AKAP13: variants seen among roughly 807,000 people sequenced by gnomAD.
AKAP13 encodes the protein A-kinase anchor protein 13.
Under a neutral mutation model 264.5 loss-of-function variants are expected in AKAP13, and 80 were observed. That is an observed-to-expected ratio of 0.30 (90% CI 0.25 to 0.36). The LOEUF (loss-of-function observed/expected upper bound fraction) is 0.36, where lower values mean the gene tolerates loss of function less well. AKAP13 is among the 10% of genes least tolerant of loss of function. The probability of loss-of-function intolerance (pLI) is 1.00; values close to 1 mark genes in which losing one functional copy is unlikely to be tolerated. For missense variants in AKAP13, 3,712 were observed against 3,435.2 expected, an observed-to-expected ratio of 1.08 and a Z score of -2.01; for synonymous variants, 1,380 against 1,250.2, an observed-to-expected ratio of 1.10 and a Z score of -2.19.
At chr15:85,693,499 A>G in intron 17 of AKAP13, 48 bp downstream of exon 17, 1 of 1,590,152 alleles carries the variant, frequency 6.3e-7, no homozygotes, top group Admixed American at 1.9e-5. Context: ...CTCTTGGCTC[A>G]AGAAAGCTCA....
intron 1 of AKAP13, among the ~76,000 whole-genome samples, chr15:85,401,484 A>G (rs2071418658): frequency 6.6e-6 from 1 of 152,216 alleles, no homozygotes; most frequent in East Asian, 1.9e-4. Context: ...TTTCTCTGTT[A>G]CAACAGCATT....
At chr15:85,610,682 A>G (rs765135894) in intron 8 of AKAP13, among the ~76,000 whole-genome samples, 2 of 152,260 alleles carry the variant, frequency 1.3e-5, no homozygotes, top group Non-Finnish European at 2.9e-5. Context: ...TAGTATACAG[A>G]TAGAGCTTAA....
chr15:85,562,891 T>C (rs1212401462), intron 5 of AKAP13, among the ~76,000 whole-genome samples: 1 of 149,836 alleles, frequency 6.7e-6, no homozygotes, highest in African/African-American at 2.5e-5. Context: ...TTTTTGTATT[T>C]TTAGTAGAGA....
chr15:85,384,789 G>A (rs1273843649), intron 1 of AKAP13, among the ~76,000 whole-genome samples: 2 of 151,784 alleles, frequency 1.3e-5, no homozygotes, highest in Non-Finnish European at 2.9e-5. Flanking sequence ...TGTTTCCTGC[G>A]TTTGTCCTCA....
At position 85,743,539 on chromosome 15, in the gene AKAP13, C is replaced by G. The variant is rs1474068891; in HGVS notation, c.8106C>G (p.Pro2702=). 1 of 1,614,230 alleles carries G rather than the reference C, an allele frequency of 6.2e-7. No homozygotes were observed. The highest frequency in any genetic ancestry group is 1.1e-5 in the South Asian group (1 of 91,086). Residue 2702 remains proline (P), a synonymous_variant, in exon 36 of 37, where the codon CCC becomes CCG. Transcript: ENST00000394518. ...TKLMRIPSFF[P]SPEEPPSPSA... ...TGATGAGGATCCCATCGTTCTTCCCCAGTCCTGAGGAGCCCCCCTCGCCAT... is the reference window on the plus strand; with the variant it reads ...TGATGAGGATCCCATCGTTCTTCCCGAGTCCTGAGGAGCCCCCCTCGCCAT...
At chr15:85,619,178 G>T (rs2081066030) in intron 8 of AKAP13, among the ~76,000 whole-genome samples, 1 of 152,026 alleles carries the variant, frequency 6.6e-6, no homozygotes, top group African/African-American at 2.4e-5. Flanking sequence ...GGAAGAAGAA[G>T]CGGGTTGGAA....
intron 1 of AKAP13, chr15:85,415,266 G>C: frequency 6.3e-7 from 1 of 1,579,344 alleles, no homozygotes; most frequent in Non-Finnish European, 8.6e-7. Flanking sequence ...ATGGCGCCTG[G>C]TGGACAGCAG....
intron 1 of AKAP13, among the ~76,000 whole-genome samples, chr15:85,453,270 C>T (rs1293071978): frequency 6.6e-6 from 1 of 152,212 alleles, no homozygotes; most frequent in Admixed American, 6.5e-5. Context: ...TTGGTGCTAG[C>T]TGAGTAGCTC....
intron 2 of AKAP13, among the ~76,000 whole-genome samples, chr15:85,511,117 A>G (rs1304925424): frequency 6.6e-6 from 1 of 151,970 alleles, no homozygotes; most frequent in Non-Finnish European, 1.5e-5. Flanking sequence ...TGTTCTGAGG[A>G]TTTCTTTTTA....
At chr15:85,438,595 G>C (rs2073449208) in intron 1 of AKAP13, among the ~76,000 whole-genome samples, 1 of 146,336 alleles carries the variant, frequency 6.8e-6, no homozygotes, top group South Asian at 2.2e-4. Flanking sequence ...AACCAAAACA[G>C]CATGGTACTG....
intron 8 of AKAP13, among the ~76,000 whole-genome samples, chr15:85,592,808 C>T (rs1234035129): frequency 1.3e-5 from 2 of 152,046 alleles, no homozygotes; most frequent in Non-Finnish European, 2.9e-5. Flanking sequence ...CCTCAGAGAA[C>T]CCCAGACCAT....
At chr15:85,687,905 T>A (rs1420280781) in intron 16 of AKAP13, among the ~76,000 whole-genome samples, 4 of 151,944 alleles carry the variant, frequency 2.6e-5, no homozygotes, top group Non-Finnish European at 5.9e-5. Flanking sequence ...CTGGGCGTAG[T>A]GGCACACACC....
chr15:85,628,948 T>C (rs1452729256), intron 8 of AKAP13, among the ~76,000 whole-genome samples: 1 of 152,162 alleles, frequency 6.6e-6, no homozygotes, highest in Non-Finnish European at 1.5e-5. Flanking sequence ...ATCCTAATGC[T>C]TTGGGAAGCC....
intron 1 of AKAP13, among the ~76,000 whole-genome samples, chr15:85,383,549 ATTTC>A (rs372495153): frequency 1.3e-5 from 2 of 152,318 alleles, no homozygotes; most frequent in Admixed American, 1.3e-4. Flanking sequence ...AGGTTTAGCT[ATTTC>A]TTTCATAAAG....
chr15:85,661,970 A>T (rs990709680), intron 12 of AKAP13, among the ~76,000 whole-genome samples: 8 of 151,660 alleles, frequency 5.3e-5, no homozygotes, highest in Non-Finnish European at 1.2e-4. Flanking sequence ...TGTCTCTTTT[A>T]AAAAGTCTAG....
chr15:85,526,258 CT>C (rs902077000), intron 3 of AKAP13, among the ~76,000 whole-genome samples: 9 of 147,424 alleles, frequency 6.1e-5, no homozygotes, highest in African/African-American at 1.9e-4. Context: ...TTCTTTCTCT[CT>C]TTTTTTTTGT....
intron 9 of AKAP13, among the ~76,000 whole-genome samples, chr15:85,640,409 C>T (rs1314198822): frequency 6.6e-6 from 1 of 152,160 alleles, no homozygotes; most frequent in African/African-American, 2.4e-5. Flanking sequence ...TAGATACCCT[C>T]CAGTAGTATT....
At position 85,502,084 on chromosome 15, in the gene AKAP13, A is replaced by G. The variant is rs574066874; in HGVS notation, c.33+16331A>G. Reference sequence around the variant, plus strand: ...AACCCAGATTGCTGGGCCACACCCCAGAGTTTCTGATTTACTAGGTTTGGG... The same window carrying G: ...AACCCAGATTGCTGGGCCACACCCCGGAGTTTCTGATTTACTAGGTTTGGG... On this transcript the variant is annotated intron_variant, in intron 2 of 36. Transcript: ENST00000394518. Among the ~76,000 whole-genome samples the G allele has an allele frequency of 7.2e-5, 11 of 152,242 alleles. No individual in the cohort carries two copies. The South Asian group carries it at 2.3e-3, about 32-fold the overall frequency.
chr15:85,580,634 C>T lies in AKAP13; in HGVS notation c.2566C>T (p.Leu856Phe), dbSNP rs1181938029. The T allele has an allele frequency of 1.2e-5, 19 of 1,614,222 alleles. No homozygotes were observed. Among genetic ancestry groups the T allele is most frequent in the South Asian group, 9.9e-5 (9 of 91,084 alleles). The change falls in exon 7 of 37, where the codon CTT becomes TTT. Residue 856 changes from leucine (L) to phenylalanine (F), a missense_variant. Physicochemically the swap from Leu to Phe is conservative, Grantham distance 22. This residue lies in a region of AKAP13 where 2,759 missense variants were observed against 2,411.7 expected (regional missense o/e 1.14). Transcript: ENST00000394518. ...GLSTSSTAAE[L>F]QHGMGNTSLT... Reference sequence around the variant, plus strand: ...GTCCACATCCTCCACTGCTGCAGAGCTTCAGCACGGGATGGGGAATACCAG... The same window carrying T: ...GTCCACATCCTCCACTGCTGCAGAGTTTCAGCACGGGATGGGGAATACCAG...
Sources: allele counts gnomAD v4.1 joint callset (sites outside exome capture counted in the v4.1 genomes callset), GRCh38; gene constraint gnomAD v4.1.1; regional missense constraint gnomAD v4.1.1; transcripts MANE v1.5; gene names NCBI Gene and HGNC (gene_info 2026-07-23, HGNC 2026-07-21).